NOG: variants seen among roughly 807,000 people sequenced by gnomAD.
NOG encodes symphalangism 1 (proximal).
A neutral mutation model predicts 17.9 loss-of-function variants in NOG; 2 were observed. The observed-to-expected ratio is 0.11, with a 90% CI of 0.05 to 0.35. The LOEUF (loss-of-function observed/expected upper bound fraction) is 0.35, where lower values mean the gene tolerates loss of function less well. Among genes scored for constraint, NOG ranks in the 10% least tolerant of loss-of-function variants. NOG has a pLI of 1.00. For synonymous variants in NOG, 166 were observed against 148.7 expected, an observed-to-expected ratio of 1.12 and a Z score of -0.85; for missense variants, 266 against 318.6, an observed-to-expected ratio of 0.83 and a Z score of 1.26.
At position 56,593,850 on chromosome 17, in the gene NOG, C is replaced by A; in HGVS notation, c.-374C>A. On this transcript the variant is annotated 5_prime_UTR_variant, in exon 1 of 1. Coordinates refer to ENST00000332822, the MANE Select transcript of NOG (RefSeq NM_005450.6). ...TTGCACAGAGCGGCCGGACGAAGAG[C>A]AGCGAGAGGAGGAGGGGAGAGCGGC... is the stretch of plus-strand genomic sequence containing the variant. The A allele has an allele frequency of 4.2e-6, 1 of 240,306 alleles. No homozygotes were observed. The highest frequency in any genetic ancestry group is 7.9e-6 in the Non-Finnish European group (1 of 126,236). 14.9% of individuals were successfully genotyped at this position (240,306 alleles called of 1,614,324 possible). A position where few individuals can be genotyped will look rare whatever the true frequency, so the allele number is the denominator to read the frequency against.
rs1401188114 is a variant in NOG at position 56,594,376 on chromosome 17, C to T, written c.153C>T (p.Asp51=). 3.7e-6 allele frequency: 6 copies of T among 1,613,278 alleles called. No homozygotes were observed. The highest frequency in any genetic ancestry group is 1.7e-5 in the Admixed American group (1 of 60,004). Residue 51 remains aspartate, a synonymous_variant, in exon 1 of 1, where the codon GAC becomes GAT. Coordinates refer to ENST00000332822, the MANE Select transcript of NOG (RefSeq NM_005450.6). ...LPLVDLIEHP[D]PIFDPKEKDL... ...TGGTGGACCTCATCGAACACCCAGA[C>T]CCTATCTTTGACCCCAAGGAAAAGG...
At position 56,594,404 on chromosome 17, in the gene NOG, C is replaced by G. The variant is rs2052467600; in HGVS notation, c.181C>G (p.Leu61Val). Residue 61 changes from leucine to valine, a missense_variant, in exon 1 of 1, where the codon CTG (leucine) becomes GTG (valine). Transcript: ENST00000332822. Reference protein sequence around the residue: ...DPIFDPKEKDLNETLLRSLLG... With the variant: ...DPIFDPKEKDVNETLLRSLLG... Reference sequence around the variant, plus strand: ...TATCTTTGACCCCAAGGAAAAGGATCTGAACGAGACGCTGCTGCGCTCGCT... The same window carrying G: ...TATCTTTGACCCCAAGGAAAAGGATGTGAACGAGACGCTGCTGCGCTCGCT... The G allele has an allele frequency of 1.9e-6, 3 of 1,613,312 alleles. No homozygotes were observed. The highest frequency in any genetic ancestry group is 2.5e-6 in the Non-Finnish European group (3 of 1,179,772).
chr17:56,594,134 A>G lies in NOG; in HGVS notation c.-90A>G. ...AGCCTCGGGTGAGCCGCCTCCGGAG[A>G]GACGGGGGAGCGCGGCGGCGCCGCG... On this transcript the variant is annotated 5_prime_UTR_variant, in exon 1 of 1. Coordinates refer to ENST00000332822, the MANE Select transcript of NOG (RefSeq NM_005450.6). The G allele has an allele frequency of 1.7e-6, 2 of 1,185,374 alleles. No individual in the cohort carries two copies. Among genetic ancestry groups the G allele is most frequent in the Non-Finnish European group, 2.3e-6 (2 of 869,140 alleles). 73.4% of individuals were successfully genotyped at this position (1,185,374 alleles called of 1,614,324 possible).
Position 56,595,313 on chromosome 17 carries a change from C to T in NOG, c.*391C>T, listed in dbSNP as rs1357129158. The T allele has an allele frequency of 5.8e-6, 1 of 173,132 alleles. No homozygotes were observed. Among genetic ancestry groups the T allele is most frequent in the Non-Finnish European group, 1.4e-5 (1 of 72,714 alleles). The allele number at this position is 173,132 out of a possible 1,614,324, so 10.7% of individuals were successfully genotyped here. Reference sequence around the variant, plus strand: ...CTGCTATTTATATTCCAGTGCCCTTCGCATGGCGAAGCAGGGGGGAAAAGT... The same window carrying T: ...CTGCTATTTATATTCCAGTGCCCTTTGCATGGCGAAGCAGGGGGGAAAAGT... On this transcript the variant is annotated 3_prime_UTR_variant, in exon 1 of 1. Coordinates refer to ENST00000332822, the MANE Select transcript of NOG (RefSeq NM_005450.6).
rs372604336 is a variant in NOG, at chr17:56,594,779, G to T, written c.556G>T (p.Val186Leu). The change falls in exon 1 of 1, where the codon GTG becomes TTG. Residue 186 changes from valine (V) to leucine (L), a missense_variant. Physicochemically the swap from Val to Leu is conservative, Grantham distance 32. Around this residue, in one of 2 missense-constraint regions of NOG, gnomAD observed 74 missense variants for 121.0 expected, o/e 0.61. Coordinates refer to ENST00000332822, the MANE Select transcript of NOG (RefSeq NM_005450.6). ...GSCFSKRSCSVPEGMVCKPSK... is the reference protein window; with the variant it reads ...GSCFSKRSCSLPEGMVCKPSK... ...CTGCTTCAGTAAGCGCTCGTGCTCC[G>T]TGCCCGAGGGCATGGTGTGCAAGCC... is the stretch of plus-strand genomic sequence containing the variant. 4 of 1,613,002 alleles carry T rather than the reference G, an allele frequency of 2.5e-6. No individual in the cohort carries two copies. In the African/African-American group the frequency reaches 5.3e-5, roughly 22 times the overall value.
In NOG at chr17:56,595,330, G is replaced by A. The variant is rs1302005109; in HGVS notation, c.*408G>A. The stretch of plus-strand genomic sequence containing the variant: ...GTGCCCTTCGCATGGCGAAGCAGGG[G>A]GGAAAAGTTATTTTTTTCTTGAAGT... On this transcript the variant is annotated 3_prime_UTR_variant, in exon 1 of 1. Transcript: ENST00000332822. 1 of 171,066 alleles carries A rather than the reference G, an allele frequency of 5.8e-6. No individual in the cohort carries two copies. Among genetic ancestry groups the A allele is most frequent in the Non-Finnish European group, 1.4e-5 (1 of 71,008 alleles). 10.6% of individuals were successfully genotyped at this position (171,066 alleles called of 1,614,324 possible).
chr17:56,594,525 T>C lies in NOG; in HGVS notation c.302T>C (p.Leu101Pro), dbSNP rs2052469290. 1.2e-6 allele frequency: 2 copies of C among 1,602,110 alleles called. No homozygotes were observed. The highest frequency in any genetic ancestry group is 1.7e-6 in the Non-Finnish European group (2 of 1,173,852). Residue 101 changes from leucine (L) to proline (P), a missense_variant, in exon 1 of 1, where the codon CTG becomes CCG. Transcript: ENST00000332822. ...GGGAAGGAED[L>P]AELDQLLRQR... ...GGTGCAGCTGGGGGCGCGGAGGACC[T>C]GGCGGAGCTGGACCAGCTGCTGCGG...
Position 56,595,066 on chromosome 17 carries a change from C to G in NOG, c.*144C>G. Reference sequence around the variant, plus strand: ...TTTTTTTTTTTTTTTTTCTGGGCTACAGAGACCTAGCTTTCTGGTTCCTGT... The same window carrying G: ...TTTTTTTTTTTTTTTTTCTGGGCTAGAGAGACCTAGCTTTCTGGTTCCTGT... On this transcript the variant is annotated 3_prime_UTR_variant, in exon 1 of 1. Transcript: ENST00000332822. 2 of 595,236 alleles carry G rather than the reference C, an allele frequency of 3.4e-6. No individual in the cohort carries two copies. The highest frequency in any genetic ancestry group is 5.7e-6 in the Non-Finnish European group (2 of 350,342). 36.9% of individuals were successfully genotyped at this position (595,236 alleles called of 1,614,324 possible).
Position 56,594,056 on chromosome 17 carries a change from C to T in NOG, c.-168C>T. ...TTTCTTCCGCCCCGGTGGGAGCCGG[C>T]GCTGCGCGAAGGGCTCTCCCGGCGG... On this transcript the variant is annotated 5_prime_UTR_variant, in exon 1 of 1. Coordinates refer to ENST00000332822, the MANE Select transcript of NOG (RefSeq NM_005450.6). 4.0e-6 allele frequency: 2 copies of T among 503,132 alleles called. No homozygotes were observed. Among genetic ancestry groups the T allele is most frequent in the African/African-American group, 2.0e-5 (1 of 48,990 alleles). The allele number at this position is 503,132 out of a possible 1,614,324, so 31.2% of individuals were successfully genotyped here.
Position 56,594,896 on chromosome 17 carries a change from A to G in NOG, c.673A>G (p.Ile225Val). 6.3e-7 allele frequency: 1 copy of G among 1,593,302 alleles called. No homozygotes were observed. Among genetic ancestry groups the G allele is most frequent in the Non-Finnish European group, 8.5e-7 (1 of 1,169,816 alleles). ...CGWIPIQYPI[I>V]SECKCSC ...CTGGATTCCCATCCAGTACCCCATC[A>G]TTTCCGAGTGCAAGTGCTCGTGCTA... Residue 225 changes from isoleucine (I) to valine (V), a missense_variant, in exon 1 of 1, where the codon ATT becomes GTT. Ile to Val is a conservative substitution (Grantham distance 29). Transcript: ENST00000332822.
Position 56,593,866 on chromosome 17 carries a change from G to A in NOG, c.-358G>A, listed in dbSNP as rs531962500. On this transcript the variant is annotated 5_prime_UTR_variant, in exon 1 of 1. Transcript: ENST00000332822. Reference sequence around the variant, plus strand: ...GACGAAGAGCAGCGAGAGGAGGAGGGGAGAGCGGCTCGTCCACGCGCCCTG... The same window carrying A: ...GACGAAGAGCAGCGAGAGGAGGAGGAGAGAGCGGCTCGTCCACGCGCCCTG... 4 of 270,398 alleles carry A rather than the reference G, an allele frequency of 1.5e-5. No individual in the cohort carries two copies. In the South Asian group the frequency reaches 2.6e-4, roughly 18 times the overall value. The allele number at this position is 270,398 out of a possible 1,614,324, so 16.7% of individuals were successfully genotyped here. A position where few individuals can be genotyped will look rare whatever the true frequency, so the allele number is the denominator to read the frequency against.
chr17:56,594,222 G>T lies in NOG; in HGVS notation c.-2G>T. 1 of 1,571,380 alleles carries T rather than the reference G, an allele frequency of 6.4e-7. No individual in the cohort carries two copies. Among genetic ancestry groups the T allele is most frequent in the East Asian group, 2.4e-5 (1 of 42,478 alleles). Reference sequence around the variant, plus strand: ...CAGCAGCCCCGGGCGCGCGCCAGAGGCATGGAGCGCTGCCCCAGCCTAGGG... The same window carrying T: ...CAGCAGCCCCGGGCGCGCGCCAGAGTCATGGAGCGCTGCCCCAGCCTAGGG... On this transcript the variant is annotated 5_prime_UTR_variant, in exon 1 of 1. Transcript: ENST00000332822.
chr17:56,593,770 G>A lies in NOG; in HGVS notation c.-454G>A. 5.6e-6 allele frequency: 1 copy of A among 179,456 alleles called. No homozygotes were observed. 11.1% of individuals were successfully genotyped at this position (179,456 alleles called of 1,614,324 possible). A position where few individuals can be genotyped will look rare whatever the true frequency, so the allele number is the denominator to read the frequency against. On this transcript the variant is annotated 5_prime_UTR_variant, in exon 1 of 1. Transcript: ENST00000332822. ...GAGTCCGCCGGGCAGAGCCGGCCGC[G>A]GAGCCCGGAGCAGGCGGAGGGAAGT... is the stretch of plus-strand genomic sequence containing the variant.
Position 56,594,589 on chromosome 17 carries a change from G to GCTA in NOG, c.367_369dup (p.Leu123dup), listed in dbSNP as rs2052470167. The GCTA allele has an allele frequency of 6.2e-7, 1 of 1,608,572 alleles. No individual in the cohort carries two copies. The highest frequency in any genetic ancestry group is 1.7e-5 in the Admixed American group (1 of 59,332). On this transcript the variant is annotated inframe_insertion, in exon 1 of 1. Coordinates refer to ENST00000332822, the MANE Select transcript of NOG (RefSeq NM_005450.6). ...GGGCCATGCCGAGCGAGATCAAAGG[G>GCTA]CTAGAGTTCTCCGAGGGCTTGGCCC... is the stretch of plus-strand genomic sequence containing the variant.
rs1555572827 is a variant in NOG at position 56,594,519 on chromosome 17, A to G, written c.296A>G (p.Glu99Gly). 1.2e-6 allele frequency: 2 copies of G among 1,604,660 alleles called. No homozygotes were observed. The highest frequency in any genetic ancestry group is 4.5e-5 in the East Asian group (2 of 44,646). ...GGCGGGGGTGCAGCTGGGGGCGCGG[A>G]GGACCTGGCGGAGCTGGACCAGCTG... ...GGGGGAAGGA[E>G]DLAELDQLLR... Residue 99 changes from glutamate to glycine, a missense_variant, in exon 1 of 1, where the codon GAG becomes GGG. By Grantham distance (98) the Glu-to-Gly change is moderately conservative. Coordinates refer to ENST00000332822, the MANE Select transcript of NOG (RefSeq NM_005450.6).
Position 56,594,293 on chromosome 17 carries a change from C to T in NOG, c.70C>T (p.Pro24Ser), listed in dbSNP as rs200253265. The T allele has an allele frequency of 1.3e-4, 212 of 1,612,480 alleles. No homozygotes were observed. Among genetic ancestry groups the T allele is most frequent in the African/African-American group, 1.3e-4 (10 of 75,034 alleles). ...GGTGGTCCTGGGGCTGCGGGCGACA[C>T]CGGCCGGCGGCCAGCACTATCTCCA... ...LVVVLGLRAT[P>S]AGGQHYLHIR... The change falls in exon 1 of 1, where the codon CCG (proline) becomes TCG (serine). Residue 24 changes from proline (P) to serine (S), a missense_variant. Coordinates refer to ENST00000332822, the MANE Select transcript of NOG (RefSeq NM_005450.6).
Position 56,594,077 on chromosome 17 carries a change from G to A in NOG, c.-147G>A. On this transcript the variant is annotated 5_prime_UTR_variant, in exon 1 of 1. Coordinates refer to ENST00000332822, the MANE Select transcript of NOG (RefSeq NM_005450.6). ...CCGGCGCTGCGCGAAGGGCTCTCCC[G>A]GCGGCTCATGCTGCCGGCCCTGCGC... 1 of 561,620 alleles carries A rather than the reference G, an allele frequency of 1.8e-6. No homozygotes were observed. The highest frequency in any genetic ancestry group is 2.9e-6 in the Non-Finnish European group (1 of 344,332). The allele number at this position is 561,620 out of a possible 1,614,324, so 34.8% of individuals were successfully genotyped here. A position where few individuals can be genotyped will look rare whatever the true frequency, so the allele number is the denominator to read the frequency against.
chr17:56,594,038 C>T lies in NOG; in HGVS notation c.-186C>T. 1 of 483,474 alleles carries T rather than the reference C, an allele frequency of 2.1e-6. No individual in the cohort carries two copies. Among genetic ancestry groups the T allele is most frequent in the Non-Finnish European group, 3.5e-6 (1 of 281,910 alleles). 29.9% of individuals were successfully genotyped at this position (483,474 alleles called of 1,614,324 possible). A position where few individuals can be genotyped will look rare whatever the true frequency, so the allele number is the denominator to read the frequency against. ...GCGGCCAACTTGTGTGCCTTTCTTC[C>T]GCCCCGGTGGGAGCCGGCGCTGCGC... On this transcript the variant is annotated 5_prime_UTR_variant, in exon 1 of 1. Transcript: ENST00000332822.
chr17:56,594,659 C>A lies in NOG; in HGVS notation c.436C>A (p.Gln146Lys). ...RLSKKLRRKL[Q>K]MWLWSQTFCP... is the part of the protein sequence containing the mutation. ...AAGCAAGAAGCTGCGGAGGAAGTTA[C>A]AGATGTGGCTGTGGTCGCAGACATT... The change falls in exon 1 of 1, where the codon CAG becomes AAG. Residue 146 changes from glutamine (Q) to lysine (K), a missense_variant. Gln to Lys is a moderately conservative substitution (Grantham distance 53, BLOSUM62 1). Transcript: ENST00000332822. The A allele has an allele frequency of 6.2e-7, 1 of 1,614,056 alleles. No homozygotes were observed. The highest frequency in any genetic ancestry group is 1.1e-5 in the South Asian group (1 of 91,056).
Sources: allele counts gnomAD v4.1 joint callset, GRCh38; gene constraint gnomAD v4.1.1; regional missense constraint gnomAD v4.1.1; transcripts MANE v1.5; gene names NCBI Gene and HGNC (gene_info 2026-07-23, HGNC 2026-07-21).